Variants in GRIA4 observed in about 807,000 individuals in gnomAD.
The protein encoded by GRIA4 is glutamate ionotropic receptor AMPA type subunit 4.
A neutral mutation model predicts 104.0 loss-of-function variants in GRIA4; 34 were observed. The observed-to-expected ratio is 0.33, with a 90% CI of 0.25 to 0.44. The LOEUF is 0.44. GRIA4 is among the 20% of genes least tolerant of loss of function. GRIA4 has a pLI of 1.00. For missense variants in GRIA4, 750 were observed against 1,096.5 expected, an observed-to-expected ratio of 0.68 and a Z score of 4.46; for synonymous variants, 386 against 381.9, an observed-to-expected ratio of 1.01 and a Z score of -0.13.
intron 5 of GRIA4, among the ~76,000 whole-genome samples, chr11:105,872,757 T>C (rs1945663577): frequency 6.6e-6 from 1 of 152,094 alleles, no homozygotes; most frequent in Non-Finnish European, 1.5e-5. Flanking sequence ...AAATTAACTG[T>C]ATATACTACT....
intron 3 of GRIA4, among the ~76,000 whole-genome samples, chr11:105,684,560 TAC>T (rs1042557317): frequency 1.5e-5 from 2 of 137,900 alleles, no homozygotes; most frequent in Non-Finnish European, 1.6e-5. Context: ...TATATATATA[TAC>T]ACACCTTTAT....
intron 3 of GRIA4, among the ~76,000 whole-genome samples, chr11:105,748,956 T>C (rs1161199098): frequency 2.0e-5 from 3 of 152,216 alleles, no homozygotes; most frequent in East Asian, 3.9e-4. Flanking sequence ...TAGATGGTAA[T>C]TAAAGCCGCA....
At chr11:105,747,466 C>A (rs1939727805) in intron 3 of GRIA4, among the ~76,000 whole-genome samples, 1 of 152,106 alleles carries the variant, frequency 6.6e-6, no homozygotes, top group Non-Finnish European at 1.5e-5. Flanking sequence ...TACTGTACAA[C>A]AGTAACACGT....
intron 5 of GRIA4, among the ~76,000 whole-genome samples, chr11:105,883,358 A>G (rs1487114205): frequency 6.7e-6 from 1 of 150,372 alleles, no homozygotes; most frequent in Admixed American, 6.7e-5. Context: ...TACATGCGCC[A>G]TGTTGGTGTG....
chr11:105,933,215 C>A (rs1051332334), intron 13 of GRIA4, among the ~76,000 whole-genome samples: 4 of 151,746 alleles, frequency 2.6e-5, no homozygotes, highest in Non-Finnish European at 5.9e-5. Context: ...GCACTCCAGT[C>A]TGGGCAACTC....
intron 3 of GRIA4, among the ~76,000 whole-genome samples, chr11:105,640,727 T>C (rs1000686418): frequency 5.3e-5 from 8 of 152,146 alleles, no homozygotes; most frequent in African/African-American, 1.4e-4. Context: ...GAAATTGCTT[T>C]CCAAATGGAC....
intron 4 of GRIA4, among the ~76,000 whole-genome samples, chr11:105,857,817 T>C (rs763063459): frequency 6.6e-6 from 1 of 152,164 alleles, no homozygotes; most frequent in Non-Finnish European, 1.5e-5. Flanking sequence ...CTAAATACTT[T>C]CTTCCCTGGC....
At position 105,712,085 on chromosome 11, in the gene GRIA4, T is replaced by C. The variant is rs139975849; in HGVS notation, c.248-40896T>C. ...TTTAAAATTTATGTATTTATGTATG[T>C]TAAAGGTTATTAATCATTATATAGA... On this transcript the variant is annotated intron_variant, in intron 3 of 16. Coordinates refer to ENST00000282499, the MANE Select transcript of GRIA4 (RefSeq NM_000829.4). Among the ~76,000 whole-genome samples, 43 of 152,196 alleles carry C rather than the reference T, an allele frequency of 2.8e-4. 1 individual carries two copies. The highest frequency in any genetic ancestry group is 8.7e-4 in the African/African-American group (36 of 41,554).
At chr11:105,659,843 G>C (rs1209802149) in intron 3 of GRIA4, among the ~76,000 whole-genome samples, 1 of 151,736 alleles carries the variant, frequency 6.6e-6, no homozygotes, top group African/African-American at 2.4e-5. Context: ...GAAAGAGAGA[G>C]ATGAATAGAA....
At chr11:105,703,961 T>C (rs540466210) in intron 3 of GRIA4, among the ~76,000 whole-genome samples, 1 of 152,300 alleles carries the variant, frequency 6.6e-6, no homozygotes, top group African/African-American at 2.4e-5. Context: ...TACAAGCAAA[T>C]AGGAGGACTT....
Position 105,658,172 on chromosome 11 carries a change from A to G in GRIA4, c.247+45738A>G, listed in dbSNP as rs1285752679. Reference sequence around the variant, plus strand: ...CAGTGTCTGGTCTTTCCTCATTCCAATTATCAGTACTATTATTGAAATAGG... The same window carrying G: ...CAGTGTCTGGTCTTTCCTCATTCCAGTTATCAGTACTATTATTGAAATAGG... On this transcript the variant is annotated intron_variant, in intron 3 of 16. Coordinates refer to ENST00000282499, the MANE Select transcript of GRIA4 (RefSeq NM_000829.4). 3.9e-5 allele frequency among the ~76,000 whole-genome samples: 6 copies of G among 151,908 alleles called. No homozygotes were observed. The East Asian group carries it at 9.7e-4, about 25-fold the overall frequency.
At chr11:105,714,619 A>G (rs1344049659) in intron 3 of GRIA4, among the ~76,000 whole-genome samples, 1 of 152,120 alleles carries the variant, frequency 6.6e-6, no homozygotes, top group East Asian at 1.9e-4. Flanking sequence ...TAGGAGATAT[A>G]TTTTCAAATA....
At chr11:105,701,658 TTAAA>T (rs1357726481) in intron 3 of GRIA4, among the ~76,000 whole-genome samples, 1 of 152,112 alleles carries the variant, frequency 6.6e-6, no homozygotes, top group Non-Finnish European at 1.5e-5. Flanking sequence ...TTAAATGCAA[TTAAA>T]TAGTGAGGGG....
At chr11:105,697,706 T>C (rs974981701) in intron 3 of GRIA4, among the ~76,000 whole-genome samples, 2 of 152,276 alleles carry the variant, frequency 1.3e-5, no homozygotes, top group Admixed American at 6.5e-5. Context: ...TGCCAAGAAC[T>C]GTGTTTAAGA....
intron 3 of GRIA4, among the ~76,000 whole-genome samples, chr11:105,622,412 C>T (rs1043019730): frequency 6.6e-6 from 1 of 151,792 alleles, no homozygotes; most frequent in African/African-American, 2.4e-5. Flanking sequence ...TGAACTGCTA[C>T]ATTTGTGCAA....
intron 3 of GRIA4, among the ~76,000 whole-genome samples, chr11:105,712,685 TTTTGTTTTTGTTTTTGTTTTGC>T (rs1953953022): frequency 7.0e-6 from 1 of 142,728 alleles, no homozygotes; most frequent in South Asian, 2.2e-4. Flanking sequence ...TTTTGTTTTG[TTTTGTTTTTGTTTTTGTTTTGC>T]TTTGTTTTTG....
At chr11:105,848,218 A>C (rs974114022) in intron 4 of GRIA4, among the ~76,000 whole-genome samples, 3 of 152,210 alleles carry the variant, frequency 2.0e-5, no homozygotes, top group Non-Finnish European at 4.4e-5. Flanking sequence ...ACTAGGGTAC[A>C]ACTAAAATAT....
intron 5 of GRIA4, among the ~76,000 whole-genome samples, chr11:105,867,735 A>C (rs1487569469): frequency 6.6e-6 from 1 of 152,240 alleles, no homozygotes; most frequent in Admixed American, 6.5e-5. Flanking sequence ...AAGAAACAAA[A>C]AGAAGCACAA....
chr11:105,854,562 C>A (rs1944942187), intron 4 of GRIA4, among the ~76,000 whole-genome samples: 1 of 152,034 alleles, frequency 6.6e-6, no homozygotes, highest in Admixed American at 6.6e-5. Flanking sequence ...GCAAAGCGGG[C>A]AAAGGTGGAG....
Sources: gnomAD v4.1 joint callset for allele counts (sites outside exome capture counted in the v4.1 genomes callset) on GRCh38, gnomAD v4.1.1 for gene constraint, MANE v1.5 for transcripts, NCBI Gene and HGNC (gene_info 2026-07-23, HGNC 2026-07-21) for gene names.